Variants in DAB1 observed in about 807,000 individuals in gnomAD.
DAB1 encodes the protein DAB adaptor protein 1.
Under a neutral mutation model 64.6 loss-of-function variants are expected in DAB1, and 15 were observed. That is an observed-to-expected ratio of 0.23 (90% confidence interval 0.16 to 0.36). The LOEUF is 0.36. DAB1 is among the 10% of genes least tolerant of loss of function. DAB1 has a pLI of 1.00. For synonymous variants in DAB1, 235 were observed against 251.9 expected, an observed-to-expected ratio of 0.93 and a Z score of 0.64; for missense variants, 596 against 706.7, an observed-to-expected ratio of 0.84 and a Z score of 1.78.
chr1:57,402,033 G>A (rs548160510), intron 1 of DAB1, among the ~76,000 whole-genome samples: 2 of 152,230 alleles, frequency 1.3e-5, no homozygotes, highest in Admixed American at 1.3e-4. Context: ...AAAAGTTGAT[G>A]ATATATTAGC....
chr1:58,446,033 C>G (rs554490514), intron 3 of DAB1, among the ~76,000 whole-genome samples: 12 of 152,216 alleles, frequency 7.9e-5, no homozygotes, highest in Non-Finnish European at 8.8e-5. Context: ...TCACCCATCA[C>G]AGGACATCCC....
chr1:58,466,412 G>A (rs911282011), intron 3 of DAB1, among the ~76,000 whole-genome samples: 1 of 151,640 alleles, frequency 6.6e-6, no homozygotes, highest in Admixed American at 6.6e-5. Flanking sequence ...GTTTAATCCT[G>A]TCTCGGTTTC....
intron 6 of DAB1, among the ~76,000 whole-genome samples, chr1:57,677,206 T>C (rs1056070805): frequency 6.6e-6 from 1 of 152,206 alleles, no homozygotes; most frequent in African/African-American, 2.4e-5. Context: ...TGATGATACC[T>C]TGATCTTGGA....
chr1:57,554,839 C>G (rs1411962713), intron 7 of DAB1, among the ~76,000 whole-genome samples: 1 of 152,046 alleles, frequency 6.6e-6, no homozygotes, highest in Non-Finnish European at 1.5e-5. Flanking sequence ...TCTAGTGAGT[C>G]TTTCAAAAAT....
At chr1:57,247,225 G>A (rs985935770) in intron 2 of DAB1, among the ~76,000 whole-genome samples, 10 of 152,146 alleles carry the variant, frequency 6.6e-5, no homozygotes, top group Non-Finnish European at 1.3e-4. Context: ...CGTCAGGAGA[G>A]GGGCCTGGTG....
intron 3 of DAB1, among the ~76,000 whole-genome samples, chr1:58,495,513 C>T (rs533288251): frequency 6.6e-6 from 1 of 151,632 alleles, no homozygotes; most frequent in East Asian, 1.9e-4. Flanking sequence ...TTTGGTAGTT[C>T]CTTACTTGAT....
At chr1:58,500,227 T>G (rs1019006324) in intron 3 of DAB1, among the ~76,000 whole-genome samples, 2 of 152,166 alleles carry the variant, frequency 1.3e-5, no homozygotes, top group Non-Finnish European at 2.9e-5. Context: ...CTGTCAGGCT[T>G]CCTGGCTTTA....
intron 3 of DAB1, among the ~76,000 whole-genome samples, chr1:58,411,343 C>T (rs926450312): frequency 3.9e-5 from 6 of 152,220 alleles, no homozygotes. Context: ...CATACCCTTT[C>T]TGTGGCTCAA....
chr1:57,084,913 T>C (rs1190424784), intron 4 of DAB1, among the ~76,000 whole-genome samples: 1 of 152,172 alleles, frequency 6.6e-6, no homozygotes, highest in Non-Finnish European at 1.5e-5. Context: ...GGATCAATTG[T>C]TTCTCTTACA....
chr1:57,846,024 A>G (rs1420248267), intron 1 of DAB1, among the ~76,000 whole-genome samples: 1 of 152,202 alleles, frequency 6.6e-6, no homozygotes, highest in African/African-American at 2.4e-5. Flanking sequence ...TGCTTTGTGG[A>G]TCACATGACT....
intron 5 of DAB1, among the ~76,000 whole-genome samples, chr1:58,001,258 C>G (rs1646502585): frequency 6.6e-6 from 1 of 151,948 alleles, no homozygotes; most frequent in South Asian, 2.1e-4. Context: ...TCAAAGGGCT[C>G]TTTTTTGTTT....
chr1:57,941,967 C>A (rs1645112674), intron 5 of DAB1, among the ~76,000 whole-genome samples: 1 of 152,160 alleles, frequency 6.6e-6, no homozygotes, highest in Non-Finnish European at 1.5e-5. Context: ...CAACTTAGAA[C>A]CTCAGACCTC....
intron 4 of DAB1, among the ~76,000 whole-genome samples, chr1:58,159,369 G>C (rs1417644849): frequency 6.6e-6 from 1 of 152,132 alleles, no homozygotes; most frequent in Non-Finnish European, 1.5e-5. Flanking sequence ...AAAGAAGCTA[G>C]AGGCAAAAAG....
Position 58,163,834 on chromosome 1 carries a change from C to T in DAB1, n.310-13246G>A, listed in dbSNP as rs142292447. Among the ~76,000 whole-genome samples, 5 of 152,280 alleles carry T rather than the reference C, an allele frequency of 3.3e-5. No homozygotes were observed. In the East Asian group the frequency reaches 9.7e-4, roughly 29 times the overall value. On this transcript the variant is annotated intron_variant and non_coding_transcript_variant, in intron 4 of 20. Transcript: ENST00000485760. ...CTGCTCATCTGGCATAAGCTGTTCA[C>T]ACACTCCTGGCTGATCTTGAGGCTG...
intron 4 of DAB1, among the ~76,000 whole-genome samples, chr1:57,091,381 C>G (rs1234750571): frequency 6.6e-6 from 1 of 152,154 alleles, no homozygotes; most frequent in African/African-American, 2.4e-5. Flanking sequence ...TGGAATCTAT[C>G]AGTTAACAAC....
chr1:58,349,295 C>G (rs991441470), intron 3 of DAB1, among the ~76,000 whole-genome samples: 1 of 152,118 alleles, frequency 6.6e-6, no homozygotes, highest in Admixed American at 6.6e-5. Flanking sequence ...AATCATCTCC[C>G]CACATCCCAG....
intron 7 of DAB1, among the ~76,000 whole-genome samples, chr1:57,444,191 T>C (rs1461437036): frequency 6.6e-6 from 1 of 152,138 alleles, no homozygotes; most frequent in African/African-American, 2.4e-5. Context: ...TTATAAACTC[T>C]TGATGTTCCT....
At chr1:57,204,376 A>G (rs1015147116) in intron 2 of DAB1, among the ~76,000 whole-genome samples, 2 of 151,240 alleles carry the variant, frequency 1.3e-5, no homozygotes, top group Non-Finnish European at 2.9e-5. Flanking sequence ...GATCTCTCAC[A>G]CCTACGCAGA....
At chr1:58,206,986 C>A (rs924424400) in intron 4 of DAB1, among the ~76,000 whole-genome samples, 2 of 152,174 alleles carry the variant, frequency 1.3e-5, no homozygotes, top group Admixed American at 6.5e-5. Flanking sequence ...CAGCACCCTG[C>A]CTCCACATGA....
Sources: allele counts gnomAD v4.1 joint callset (sites outside exome capture counted in the v4.1 genomes callset), GRCh38; gene constraint gnomAD v4.1.1; transcripts MANE v1.5; gene names NCBI Gene and HGNC (gene_info 2026-07-23, HGNC 2026-07-21).